The following IREB2 variants were observed in gnomAD, a reference collection of about 807,000 sequenced individuals.
IREB2 encodes the protein iron-responsive element-binding protein 2.
In IREB2, 39 loss-of-function variants were observed where a neutral mutation model predicts 118.8. The observed-to-expected ratio is 0.33, with a 90% CI of 0.25 to 0.43. The LOEUF is 0.43. Ranked by LOEUF, IREB2 falls within the 20% of genes least tolerant of loss-of-function variation. The pLI, the probability that IREB2 is intolerant of heterozygous loss-of-function variation, is 1.00. For synonymous variants in IREB2, 372 were observed against 392.2 expected, an observed-to-expected ratio of 0.95 and a Z score of 0.61; for missense variants, 900 against 1,147.3, an observed-to-expected ratio of 0.78 and a Z score of 3.11.
chr15:78,485,996 C>T (rs1302140972), intron 13 of IREB2, among the ~76,000 whole-genome samples, 156 bp downstream of exon 13: 1 of 152,186 alleles, frequency 6.6e-6, no homozygotes, highest in Admixed American at 6.5e-5. Flanking sequence ...GATGCCTTAT[C>T]ACTCAGGAAA....
In IREB2 at chr15:78,445,136, ATTT is replaced by A. The variant is rs200250924; in HGVS notation, c.106+5272_106+5274del. Among the ~76,000 whole-genome samples, 109 of 123,446 alleles carry A rather than the reference ATTT, an allele frequency of 8.8e-4. No individual in the cohort carries two copies. In the East Asian group the frequency reaches 0.021, roughly 23 times the overall value. 81.0% of individuals were successfully genotyped at this position (123,446 alleles called of 152,430 possible). A position where few individuals can be genotyped will look rare whatever the true frequency, so the allele number is the denominator to read the frequency against. ...CTATTTACTGTTGGTTCCAGTCTTTATTTTTTTTTTTTTTTTTTTGAGACAGAG... is the reference window on the plus strand; with the variant it reads ...CTATTTACTGTTGGTTCCAGTCTTTATTTTTTTTTTTTTTTTGAGACAGAG... On this transcript the variant is annotated intron_variant, in intron 2 of 21. Coordinates refer to ENST00000258886, the MANE Select transcript of IREB2 (RefSeq NM_004136.4).
intron 2 of IREB2, among the ~76,000 whole-genome samples, chr15:78,442,108 G>T (rs1595981704): frequency 6.6e-6 from 1 of 151,986 alleles, no homozygotes; most frequent in Non-Finnish European, 1.5e-5. Flanking sequence ...GTTGGTCAGG[G>T]TGATCTCAAA....
chr15:78,448,290 G>A (rs756840287), intron 2 of IREB2, among the ~76,000 whole-genome samples: 1 of 152,070 alleles, frequency 6.6e-6, no homozygotes, highest in Non-Finnish European at 1.5e-5. Context: ...GATTACAGGT[G>A]CACGCCACCA....
upstream of IREB2, among the ~76,000 whole-genome samples, chr15:78,437,936 AC>A (rs1287371598): frequency 6.6e-6 from 1 of 152,180 alleles, no homozygotes. Flanking sequence ...GAACGCAAAC[AC>A]CGCTCGAATT....
chr15:78,450,824 T>TGTG (rs2051011810), intron 2 of IREB2, among the ~76,000 whole-genome samples: 3 of 134,020 alleles, frequency 2.2e-5, no homozygotes, highest in Non-Finnish European at 3.2e-5. Flanking sequence ...ATTAACAAAT[T>TGTG]TGTGTGTGTG....
At chr15:78,496,300 C>T (rs1489908875) in intron 20 of IREB2, among the ~76,000 whole-genome samples, 1 of 152,214 alleles carries the variant, frequency 6.6e-6, no homozygotes, top group Non-Finnish European at 1.5e-5. Context: ...CAGGGTCTCA[C>T]TCTGTCGTCC....
intron 2 of IREB2, among the ~76,000 whole-genome samples, chr15:78,443,464 T>G (rs569626938): frequency 6.6e-6 from 1 of 152,316 alleles, no homozygotes; most frequent in South Asian, 2.1e-4. Flanking sequence ...CAACACAGAT[T>G]ATTTGATTTC....
chr15:78,492,434 C>G (rs1169377171), intron 18 of IREB2, among the ~76,000 whole-genome samples: 2 of 152,018 alleles, frequency 1.3e-5, no homozygotes, highest in Non-Finnish European at 2.9e-5. Flanking sequence ...AGGCTTCTGT[C>G]TAAAGGTCTC....
intron 3 of IREB2, among the ~76,000 whole-genome samples, chr15:78,464,909 G>A (rs1055738273): frequency 3.3e-5 from 5 of 152,154 alleles, no homozygotes; most frequent in African/African-American, 7.2e-5. Flanking sequence ...GGGGCAACAC[G>A]AAGGCACTAG....
chr15:78,464,640 G>A (rs2051250601), intron 3 of IREB2, among the ~76,000 whole-genome samples: 1 of 152,178 alleles, frequency 6.6e-6, no homozygotes, highest in African/African-American at 2.4e-5. Context: ...CTGGAGTGTA[G>A]TGATGTGATC....
intron 3 of IREB2, 61 bp downstream of exon 3, chr15:78,463,148 C>A: frequency 7.2e-7 from 1 of 1,393,124 alleles, no homozygotes; most frequent in Non-Finnish European, 9.8e-7. Context: ...TTTTAAAATA[C>A]AGACTCTTGG....
intron 2 of IREB2, among the ~76,000 whole-genome samples, chr15:78,440,948 A>G (rs1431695068): frequency 6.6e-6 from 1 of 152,228 alleles, no homozygotes; most frequent in Non-Finnish European, 1.5e-5. Flanking sequence ...GGGCCAATAG[A>G]GAGACCTCTT....
chr15:78,441,652 A>G (rs549068822), intron 2 of IREB2, among the ~76,000 whole-genome samples: 3 of 152,234 alleles, frequency 2.0e-5, no homozygotes, highest in Non-Finnish European at 2.9e-5. Flanking sequence ...ACTGTCAAAA[A>G]CAACTGTAAA....
chr15:78,497,239 CCT>C lies in IREB2; in HGVS notation c.2713_2714del (p.Ser905ArgfsTer2). 1 of 1,613,666 alleles carries C rather than the reference CCT, an allele frequency of 6.2e-7. No individual in the cohort carries two copies. Among genetic ancestry groups the C allele is most frequent in the Non-Finnish European group, 8.5e-7 (1 of 1,179,606 alleles). On this transcript the variant is annotated frameshift_variant, in exon 21 of 22. Coordinates refer to ENST00000258886, the MANE Select transcript of IREB2 (RefSeq NM_004136.4). LOFTEE classifies it high-confidence loss of function. ...LPGENADSLG[L>X]SGRETFSLTF... is the part of the protein sequence containing the mutation. ...CAGGAGAAAATGCAGATTCCTTGGG[CCT>C]CTCCGGTAGAGAAACATTTTCTTTA...
At chr15:78,487,441 G>T (rs1250077366) in intron 13 of IREB2, among the ~76,000 whole-genome samples, 1 of 152,106 alleles carries the variant, frequency 6.6e-6, no homozygotes, top group Non-Finnish European at 1.5e-5. Flanking sequence ...AAAAAAATTA[G>T]CTGGGCCTGG....
Position 78,471,812 on chromosome 15 carries a change from A to G in IREB2, c.771A>G (p.Leu257=), listed in dbSNP as rs755966215. 4.3e-6 allele frequency: 7 copies of G among 1,613,642 alleles called. No homozygotes were observed. In the African/African-American group the frequency reaches 6.7e-5, roughly 15 times the overall value. ...CTGGAATGGCTCATCAAATAAACTT[A>G]GAATATTTGTCAAGAGTGGTTTTTG... The part of the protein sequence containing the change: ...PGTGMAHQIN[L]EYLSRVVFEE... The change falls in exon 7 of 22, where the codon TTA becomes TTG. Residue 257 remains leucine (L), a synonymous_variant. Transcript: ENST00000258886.
intron 16 of IREB2, 107 bp from the exon 17 acceptor site, chr15:78,490,315 T>C (rs150631716): frequency 8.7e-4 from 536 of 617,090 alleles, no homozygotes; most frequent in Non-Finnish European, 1.2e-3. Flanking sequence ...TTTGTTGTTG[T>C]TGTTGTGACC....
At position 78,438,309 on chromosome 15, in the gene IREB2, TC is replaced by T; in HGVS notation, c.-25del. 6.6e-7 allele frequency: 1 copy of T among 1,523,206 alleles called. No individual in the cohort carries two copies. The highest frequency in any genetic ancestry group is 8.9e-7 in the Non-Finnish European group (1 of 1,121,252). The allele number at this position is 1,523,206 out of a possible 1,614,324, so 94.4% of individuals were successfully genotyped here. A position where few individuals can be genotyped will look rare whatever the true frequency, so the allele number is the denominator to read the frequency against. ...CCCCCTTCTTCCCCCGCTGGCCCCCTCCCCGGAGGGATAATATGGTCTCCGG... is the reference window on the plus strand; with the variant it reads ...CCCCCTTCTTCCCCCGCTGGCCCCCTCCCGGAGGGATAATATGGTCTCCGG... On this transcript the variant is annotated 5_prime_UTR_variant, in exon 1 of 22. Coordinates refer to ENST00000258886, the MANE Select transcript of IREB2 (RefSeq NM_004136.4).
At chr15:78,438,996 C>T (rs1179068238) in intron 1 of IREB2, 2 of 152,226 alleles carry the variant, frequency 1.3e-5, no homozygotes, top group African/African-American at 4.8e-5. Context: ...TGGATGAAAG[C>T]CTTAACAATG....
Sources: gnomAD v4.1 joint callset for allele counts (sites outside exome capture counted in the v4.1 genomes callset) on GRCh38, gnomAD v4.1.1 for gene constraint, MANE v1.5 for transcripts, NCBI Gene and HGNC (gene_info 2026-07-23, HGNC 2026-07-21) for gene names.